Variants in ARMC9 observed in about 807,000 individuals in gnomAD.
ARMC9 encodes armadillo repeat containing 9.
A neutral mutation model predicts 107.0 loss-of-function variants in ARMC9; 94 were observed. The ratio of observed to expected loss-of-function variants is 0.88; its 90% CI spans 0.74 to 1.04. ARMC9 has a LOEUF of 1.04. Ranked by LOEUF, ARMC9 falls within the 50% of genes least tolerant of loss-of-function variation. The probability of loss-of-function intolerance (pLI) is 0.00; values close to 1 mark genes in which losing one functional copy is unlikely to be tolerated. For synonymous variants in ARMC9, 380 were observed against 396.9 expected, an observed-to-expected ratio of 0.96 and a Z score of 0.51; for missense variants, 942 against 1,030.1, an observed-to-expected ratio of 0.91 and a Z score of 1.17.
rs2037714108 is a variant in ARMC9 at position 231,255,682 on chromosome 2, T to C, written c.880-904T>C. Among the ~76,000 whole-genome samples, 1 of 152,170 alleles carries C rather than the reference T, an allele frequency of 6.6e-6. No individual in the cohort carries two copies. Among genetic ancestry groups the C allele is most frequent in the Non-Finnish European group, 1.5e-5 (1 of 68,026 alleles). On this transcript the variant is annotated intron_variant, in intron 9 of 24. Transcript: ENST00000611582. This position sits in a 1 kb window ranked among gnomAD's most constrained non-coding sequence, Gnocchi z 4.7. ...GAGCTGGATTAGTGGTGTGTAACTTTAGTTTGGGTTGATTTTTACATCGTA... is the reference window on the plus strand; with the variant it reads ...GAGCTGGATTAGTGGTGTGTAACTTCAGTTTGGGTTGATTTTTACATCGTA...
chr2:231,355,500 T>C (rs570268606), intron 21 of ARMC9, among the ~76,000 whole-genome samples: 4 of 152,318 alleles, frequency 2.6e-5, no homozygotes, highest in African/African-American at 9.6e-5. Flanking sequence ...TTGCTTGAAA[T>C]GTCATGGTCC....
At position 231,358,365 on chromosome 2, in the gene ARMC9, T is replaced by TGATTGATC. The variant is rs551223039; in HGVS notation, c.2132-2382_2132-2381insCGATTGAT. ...CCTCCACTTCAATTGATTGATTGATTGATTGATTGATTGATTGTAGAGAGA... is the reference window on the plus strand; with the variant it reads ...CCTCCACTTCAATTGATTGATTGATTGATTGATCGATTGATTGATTGATTGTAGAGAGA... On this transcript the variant is annotated intron_variant, in intron 22 of 24. Coordinates refer to ENST00000611582, the MANE Select transcript of ARMC9 (RefSeq NM_001352754.2). This position sits in a 1 kb window ranked among gnomAD's most constrained non-coding sequence, Gnocchi z 4.5. 1.5e-3 allele frequency among the ~76,000 whole-genome samples: 229 copies of TGATTGATC among 152,008 alleles called. 3 individuals carry two copies. Among genetic ancestry groups the TGATTGATC allele is most frequent in the African/African-American group, 5.2e-3 (216 of 41,406 alleles).
intron 12 of ARMC9, among the ~76,000 whole-genome samples, chr2:231,267,075 A>G (rs2038916196): frequency 6.6e-6 from 1 of 152,192 alleles, no homozygotes; most frequent in Non-Finnish European, 1.5e-5. Context: ...GGCATAAACC[A>G]AAGTTTGGGA....
chr2:231,329,727 A>G (rs993913817), intron 19 of ARMC9, among the ~76,000 whole-genome samples: 1 of 152,040 alleles, frequency 6.6e-6, no homozygotes, highest in Non-Finnish European at 1.5e-5. Flanking sequence ...TTTTAATTTC[A>G]ATGTTCGTGT....
intron 18 of ARMC9, among the ~76,000 whole-genome samples, chr2:231,292,229 A>G (rs1285214449): frequency 6.6e-6 from 1 of 152,058 alleles, no homozygotes; most frequent in Admixed American, 6.6e-5. Flanking sequence ...AAGATTAACA[A>G]TCTCTTATCG....
chr2:231,281,215 C>T (rs376486157), intron 16 of ARMC9, among the ~76,000 whole-genome samples: 11 of 122,714 alleles, frequency 9.0e-5, no homozygotes, highest in African/African-American at 3.1e-4. Flanking sequence ...AGTGAGTGGC[C>T]TGTATGGGGG....
rs1278338277 is a variant in ARMC9, at chr2:231,297,803, T to G, written c.1773+1550T>G. 1.3e-5 allele frequency among the ~76,000 whole-genome samples: 2 copies of G among 152,238 alleles called. No homozygotes were observed. Among genetic ancestry groups the G allele is most frequent in the Non-Finnish European group, 2.9e-5 (2 of 68,048 alleles). On this transcript the variant is annotated intron_variant, in intron 19 of 24. Transcript: ENST00000611582. The surrounding 1 kb of genome is among the most constrained non-coding windows in gnomAD (Gnocchi z 4.2). ...CCTTCAATATCATTCTAAATGATAG[T>G]TTAAATTAATATTTAATTATTTGTT...
At chr2:231,252,899 C>G (rs1216956137) in intron 9 of ARMC9, among the ~76,000 whole-genome samples, 4 of 151,280 alleles carry the variant, frequency 2.6e-5, no homozygotes, top group Non-Finnish European at 5.9e-5. Flanking sequence ...CTCAGCCTCC[C>G]AAAGTGTTGG....
intron 9 of ARMC9, among the ~76,000 whole-genome samples, chr2:231,249,807 C>A (rs2037122511): frequency 6.6e-6 from 1 of 151,118 alleles, no homozygotes; most frequent in African/African-American, 2.4e-5. Context: ...TACCACCCAC[C>A]CGTGCACACC....
chr2:231,209,678 G>A (rs1191062320), intron 3 of ARMC9, among the ~76,000 whole-genome samples: 1 of 152,112 alleles, frequency 6.6e-6, no homozygotes, highest in African/African-American at 2.4e-5. Flanking sequence ...TGGGATTACA[G>A]GCACACACCA....
At chr2:231,298,514 A>G (rs1260035681) in intron 19 of ARMC9, among the ~76,000 whole-genome samples, 2 of 152,226 alleles carry the variant, frequency 1.3e-5, no homozygotes, top group Non-Finnish European at 2.9e-5. Context: ...GGAGACAGCA[A>G]AATTATTTGC....
intron 19 of ARMC9, among the ~76,000 whole-genome samples, chr2:231,310,744 TAA>T (rs199719637): frequency 2.4e-5 from 3 of 124,486 alleles, no homozygotes; most frequent in Admixed American, 7.9e-5. Context: ...TCTCAAAAGA[TAA>T]AAAAAAAAAA....
chr2:231,202,069 G>A (rs1435898242), intron 1 of ARMC9, among the ~76,000 whole-genome samples: 8 of 150,356 alleles, frequency 5.3e-5, no homozygotes, highest in Admixed American at 1.3e-4. Context: ...GCACGATCTC[G>A]GCTCATTGCA....
At chr2:231,256,219 C>A (rs554383202) in intron 9 of ARMC9, 1 of 1,531,350 alleles carries the variant, frequency 6.5e-7, no homozygotes, top group Non-Finnish European at 8.8e-7. Context: ...CGAGCCGATC[C>A]ATCATCCGCA....
In ARMC9 at chr2:231,355,829, G is replaced by A; in HGVS notation, c.2026G>A (p.Ala676Thr). 1.3e-6 allele frequency: 2 copies of A among 1,536,086 alleles called. No homozygotes were observed. Among genetic ancestry groups the A allele is most frequent in the Non-Finnish European group, 8.7e-7 (1 of 1,146,884 alleles). ...VEDQHTPPQTAQHARNGHPQA... is the reference protein window; with the variant it reads ...VEDQHTPPQTTQHARNGHPQA... ...AGACCAACACACACCTCCCCAGACA[G>A]CCCAGCACGCCAGAAACGGCCACCC... is the stretch of plus-strand genomic sequence containing the variant. Residue 676 changes from alanine (A) to threonine (T), a missense_variant, in exon 22 of 25, where the codon GCC (alanine) becomes ACC (threonine). Physicochemically the swap from Ala to Thr is moderately conservative, Grantham distance 58. Transcript: ENST00000611582.
chr2:231,339,613 T>TA (rs1212985910), intron 20 of ARMC9, among the ~76,000 whole-genome samples: 5 of 152,150 alleles, frequency 3.3e-5, no homozygotes, highest in Non-Finnish European at 7.4e-5. Context: ...GTTTTGTTAT[T>TA]AAATTTGAGA....
chr2:231,203,757 C>T (rs2031484025), intron 1 of ARMC9, among the ~76,000 whole-genome samples: 1 of 152,088 alleles, frequency 6.6e-6, no homozygotes, highest in Non-Finnish European at 1.5e-5. Context: ...GTCAGGAGTT[C>T]GAGACCAGCC....
Position 231,376,503 on chromosome 2 carries a change from C to T in ARMC9, c.*4968C>T, listed in dbSNP as rs908595146. Among the ~76,000 whole-genome samples the T allele has an allele frequency of 1.3e-5, 2 of 152,098 alleles. No individual in the cohort carries two copies. Among genetic ancestry groups the T allele is most frequent in the Admixed American group, 6.5e-5 (1 of 15,274 alleles). ...TCCAGTCTCCCATAGCGCTCCCAGG[C>T]TTATTAGGAGGAGGAAATTCCCGCC... On this transcript the variant is annotated 3_prime_UTR_variant, in exon 25 of 25. Coordinates refer to ENST00000611582, the MANE Select transcript of ARMC9 (RefSeq NM_001352754.2).
At chr2:231,285,708 T>C (rs1026097403) in intron 17 of ARMC9, among the ~76,000 whole-genome samples, 2 of 151,920 alleles carry the variant, frequency 1.3e-5, no homozygotes, top group African/African-American at 4.8e-5. Context: ...ATTAAAGATA[T>C]AAGCCAGGGA....
Sources: gnomAD v4.1 joint callset for allele counts (sites outside exome capture counted in the v4.1 genomes callset) on GRCh38, gnomAD v4.1.1 for gene constraint, Gnocchi (gnomAD v3.1) non-coding constraint, MANE v1.5 for transcripts, NCBI Gene and HGNC (gene_info 2026-07-23, HGNC 2026-07-21) for gene names.